The following SLC8A3 variants were observed in gnomAD, a reference collection of about 807,000 sequenced individuals.
SLC8A3 encodes solute carrier family 8 member A3.
In SLC8A3, 37 loss-of-function variants were observed where a neutral mutation model predicts 65.4. The observed-to-expected ratio is 0.57, with a 90% confidence interval of 0.44 to 0.74. The LOEUF is 0.74. Among genes scored for constraint, SLC8A3 ranks in the 30% least tolerant of loss-of-function variants. SLC8A3 has a pLI of 0.00. For synonymous variants in SLC8A3, 461 were observed against 444.5 expected, an observed-to-expected ratio of 1.04 and a Z score of -0.47; for missense variants, 1,112 against 1,172.1, an observed-to-expected ratio of 0.95 and a Z score of 0.75.
Position 70,167,273 on chromosome 14 carries a change from T to A in SLC8A3, c.1150A>T (p.Ser384Cys), listed in dbSNP as rs2140370411. The A allele has an allele frequency of 1.2e-6, 2 of 1,614,210 alleles. No individual in the cohort carries two copies. The highest frequency in any genetic ancestry group is 2.2e-5 in the South Asian group (2 of 91,088). Residue 384 changes from serine to cysteine, a missense_variant, in exon 2 of 7, where the codon AGC (serine) becomes TGC (cysteine). Coordinates refer to ENST00000356921, the MANE Select transcript of SLC8A3 (RefSeq NM_182932.3). Reference protein sequence around the residue: ...AEQAKKASSMSEVHTDEPEDF... With the variant: ...AEQAKKASSMCEVHTDEPEDF... Reference sequence around the variant, plus strand: ...TCAGGCTCATCGGTGTGCACCTCGCTCATGCTGGAGGCCTTCTTGGCTTGT... The same window carrying A: ...TCAGGCTCATCGGTGTGCACCTCGCACATGCTGGAGGCCTTCTTGGCTTGT...
intron 2 of SLC8A3, among the ~76,000 whole-genome samples, chr14:70,113,659 T>C (rs1039033165): frequency 5.9e-5 from 9 of 152,216 alleles, no homozygotes; most frequent in Non-Finnish European, 1.2e-4. Context: ...AAAATGATCC[T>C]GCTAAAGGGA....
chr14:70,116,686 G>A (rs1318133194), intron 2 of SLC8A3, among the ~76,000 whole-genome samples: 1 of 152,152 alleles, frequency 6.6e-6, no homozygotes, highest in East Asian at 1.9e-4. Context: ...TCACAAAAGG[G>A]GAGCTCCAGC....
In SLC8A3 at chr14:70,046,149, A is replaced by C; in HGVS notation, c.2564T>G (p.Leu855Arg). The C allele has an allele frequency of 1.9e-6, 3 of 1,614,182 alleles. No individual in the cohort carries two copies. Among genetic ancestry groups the C allele is most frequent in the South Asian group, 1.1e-5 (1 of 91,076 alleles). ...GQEFHVSAGTLAFSVTLFTIF... is the reference protein window; with the variant it reads ...GQEFHVSAGTRAFSVTLFTIF... ...GGTGAAGAGGGTGACGGAGAAGGCC[A>C]GTGTGCCGGCCGACACGTGGAACTC... The change falls in exon 7 of 7, where the codon CTG (leucine) becomes CGG (arginine). Residue 855 changes from leucine to arginine, a missense_variant. Transcript: ENST00000356921. This position sits in a 1 kb window ranked among gnomAD's most constrained non-coding sequence, Gnocchi z 4.2.
In SLC8A3 at chr14:70,053,089, A is replaced by G. The variant is rs1231402323; in HGVS notation, c.1889-975T>C. ...ATTTTCTTAGTTGGACTGCATGAAG[A>G]TGGTATGAGAGTGTGTGGAGACTTC... On this transcript the variant is annotated intron_variant, in intron 3 of 6. Coordinates refer to ENST00000356921, the MANE Select transcript of SLC8A3 (RefSeq NM_182932.3). Among the ~76,000 whole-genome samples, 4 of 152,328 alleles carry G rather than the reference A, an allele frequency of 2.6e-5. No individual in the cohort carries two copies. In the South Asian group the frequency reaches 6.2e-4, roughly 24 times the overall value.
At chr14:70,137,039 C>A (rs565792378) in intron 2 of SLC8A3, among the ~76,000 whole-genome samples, 1 of 152,288 alleles carries the variant, frequency 6.6e-6, no homozygotes, top group East Asian at 1.9e-4. Context: ...TAATACTATA[C>A]CTCATTAGAG....
chr14:70,056,263 T>C (rs933451014), intron 3 of SLC8A3, among the ~76,000 whole-genome samples: 7 of 152,136 alleles, frequency 4.6e-5, no homozygotes, highest in Admixed American at 1.3e-4. Flanking sequence ...AAAATGACCA[T>C]GGGGCTTGAA....
intron 5 of SLC8A3, among the ~76,000 whole-genome samples, chr14:70,049,732 G>A (rs2139707851): frequency 6.6e-6 from 1 of 152,274 alleles, no homozygotes; most frequent in South Asian, 2.1e-4. Flanking sequence ...TGCCAGCAGG[G>A]CTCCTCTCAA....
chr14:70,141,471 T>C (rs1463883188), intron 2 of SLC8A3, among the ~76,000 whole-genome samples: 2 of 152,222 alleles, frequency 1.3e-5, no homozygotes, highest in African/African-American at 4.8e-5. Context: ...AATAAATGAC[T>C]TACATTTATT....
At chr14:70,068,009 C>T (rs1032929433) in intron 2 of SLC8A3, among the ~76,000 whole-genome samples, 1 of 152,220 alleles carries the variant, frequency 6.6e-6, no homozygotes, top group Non-Finnish European at 1.5e-5. Context: ...ATGCACACAG[C>T]GTTCCCAGAA....
At chr14:70,066,759 C>G (rs900304659) in intron 2 of SLC8A3, among the ~76,000 whole-genome samples, 1 of 152,088 alleles carries the variant, frequency 6.6e-6, no homozygotes, top group African/African-American at 2.4e-5. Flanking sequence ...TGCAGTGAGC[C>G]GAGATTGTGC....
chr14:70,112,760 AG>A (rs1298225679), intron 2 of SLC8A3, among the ~76,000 whole-genome samples: 1 of 152,208 alleles, frequency 6.6e-6, no homozygotes, highest in Non-Finnish European at 1.5e-5. Flanking sequence ...TGAAGGCCCC[AG>A]AAGAGGATGC....
At chr14:70,115,773 T>C (rs1293529831) in intron 2 of SLC8A3, among the ~76,000 whole-genome samples, 2 of 152,174 alleles carry the variant, frequency 1.3e-5, no homozygotes, top group African/African-American at 4.8e-5. Flanking sequence ...TTCTGTCAAC[T>C]GTGACCTGGG....
In SLC8A3 at chr14:70,046,660, G is replaced by A. The variant is rs1168412994; in HGVS notation, c.2390-337C>T. The A allele has an allele frequency of 1.3e-5, 3 of 232,220 alleles. No homozygotes were observed. Among genetic ancestry groups the A allele is most frequent in the African/African-American group, 2.2e-5 (1 of 44,884 alleles). The allele number at this position is 232,220 out of a possible 1,614,324, so 14.4% of individuals were successfully genotyped here. A position where few individuals can be genotyped will look rare whatever the true frequency, so the allele number is the denominator to read the frequency against. ...TTGCCATCCCATAATATCTCCCCAG[G>A]GAACCTTGACACCCTGGGAAGCTGC... is the stretch of plus-strand genomic sequence containing the variant. On this transcript the variant is annotated intron_variant, in intron 6 of 6. Transcript: ENST00000356921. The surrounding 1 kb of genome is among the most constrained non-coding windows in gnomAD (Gnocchi z 4.2).
At chr14:70,160,043 G>A (rs1179469825) in intron 2 of SLC8A3, among the ~76,000 whole-genome samples, 1 of 151,910 alleles carries the variant, frequency 6.6e-6, no homozygotes, top group African/African-American at 2.4e-5. Context: ...ACATAAAAAA[G>A]GATAATACAG....
chr14:70,135,490 A>G (rs1895129541), intron 2 of SLC8A3, among the ~76,000 whole-genome samples: 1 of 152,232 alleles, frequency 6.6e-6, no homozygotes, highest in African/African-American at 2.4e-5. Context: ...GAATCAACCT[A>G]AATATGCATC....
At chr14:70,148,725 T>C (rs1009478081) in intron 2 of SLC8A3, among the ~76,000 whole-genome samples, 3 of 152,182 alleles carry the variant, frequency 2.0e-5, no homozygotes, top group African/African-American at 4.8e-5. Context: ...CAAACAGCAA[T>C]ACATACGATT....
chr14:70,104,741 T>C (rs1892743733), intron 2 of SLC8A3, among the ~76,000 whole-genome samples: 1 of 152,104 alleles, frequency 6.6e-6, no homozygotes, highest in Admixed American at 6.6e-5. Flanking sequence ...AAAATTAGAA[T>C]ATATTGAATA....
At chr14:70,151,540 C>A (rs930704926) in intron 2 of SLC8A3, among the ~76,000 whole-genome samples, 4 of 152,166 alleles carry the variant, frequency 2.6e-5, no homozygotes, top group African/African-American at 9.7e-5. Context: ...GCACAGAGGT[C>A]GCTCTTCTAT....
chr14:70,056,479 G>A (rs1309214429), intron 3 of SLC8A3, among the ~76,000 whole-genome samples: 3 of 152,198 alleles, frequency 2.0e-5, no homozygotes, highest in African/African-American at 7.2e-5. Context: ...GGTAAGTCCT[G>A]CAGAATGTTT....
Sources: allele counts gnomAD v4.1 joint callset (sites outside exome capture counted in the v4.1 genomes callset), GRCh38; gene constraint gnomAD v4.1.1; non-coding constraint Gnocchi (gnomAD v3.1); transcripts MANE v1.5; gene names NCBI Gene and HGNC (gene_info 2026-07-23, HGNC 2026-07-21).